The following COL25A1 variants were observed in gnomAD, a reference collection of about 807,000 sequenced individuals.
COL25A1 encodes the protein collagen type XXV alpha 1 chain, also known as collagen alpha-1(XXV) chain.
A neutral mutation model predicts 128.4 loss-of-function variants in COL25A1; 103 were observed. The observed-to-expected ratio is 0.80, with a 90% CI of 0.68 to 0.94. The LOEUF (loss-of-function observed/expected upper bound fraction) is 0.94, where lower values mean the gene tolerates loss of function less well. COL25A1 is among the 40% of genes least tolerant of loss of function. COL25A1 has a pLI of 0.00. For synonymous variants in COL25A1, 279 were observed against 277.2 expected (o/e 1.01, Z -0.06); for missense variants, 745 against 840.0 (o/e 0.89, Z 1.40).
intron 8 of COL25A1, among the ~76,000 whole-genome samples, chr4:108,947,119 G>A (rs1314903529): frequency 2.6e-5 from 4 of 152,122 alleles, no homozygotes; most frequent in Admixed American, 6.5e-5. Flanking sequence ...GGACAGCCAA[G>A]GGACAGCAGT....
chr4:109,179,906 C>T (rs1306785740), intron 3 of COL25A1, among the ~76,000 whole-genome samples: 1 of 152,044 alleles, frequency 6.6e-6, no homozygotes, highest in Non-Finnish European at 1.5e-5. Flanking sequence ...GTAAAATCAG[C>T]CTATTATGAA....
At chr4:109,301,065 G>C (rs7700022) in intron 2 of COL25A1, among the ~76,000 whole-genome samples, 83,572 of 151,926 alleles carry the variant, frequency 0.55, 25,606 homozygotes, top group African/African-American at 0.84. Flanking sequence ...ATAGGCTCCC[G>C]GCTAGGGTAA....
intron 3 of COL25A1, among the ~76,000 whole-genome samples, chr4:109,245,321 AT>A (rs1472416945): frequency 1.3e-5 from 2 of 152,172 alleles, no homozygotes; most frequent in Non-Finnish European, 2.9e-5. Flanking sequence ...TGGGACTGGT[AT>A]ACAGGAGGTA....
intron 3 of COL25A1, among the ~76,000 whole-genome samples, chr4:109,189,313 C>A (rs1775389744): frequency 6.6e-6 from 1 of 151,740 alleles, no homozygotes; most frequent in Admixed American, 6.6e-5. Flanking sequence ...TTTGGGAGCC[C>A]AAGACAGGTT....
chr4:108,990,570 T>C (rs1041978839), intron 6 of COL25A1, among the ~76,000 whole-genome samples: 1 of 152,090 alleles, frequency 6.6e-6, no homozygotes, highest in African/African-American at 2.4e-5. Context: ...AAAATCTATC[T>C]ACTTTGAGGT....
At chr4:108,974,778 G>A (rs1317477088) in intron 6 of COL25A1, among the ~76,000 whole-genome samples, 1 of 152,112 alleles carries the variant, frequency 6.6e-6, no homozygotes, top group East Asian at 1.9e-4. Flanking sequence ...CATGTCATAA[G>A]TACATAATAT....
At chr4:108,840,268 G>C (rs1309333755) in intron 31 of COL25A1, among the ~76,000 whole-genome samples, 1 of 144,478 alleles carries the variant, frequency 6.9e-6, no homozygotes. Context: ...AAAAATCCAT[G>C]AGTAGGAAGC....
intron 3 of COL25A1, among the ~76,000 whole-genome samples, chr4:109,054,931 G>A (rs534173745): frequency 5.9e-5 from 9 of 152,292 alleles, no homozygotes; most frequent in Non-Finnish European, 1.3e-4. Flanking sequence ...TGGCTCTTGG[G>A]AGGGAGGAAC....
chr4:109,209,593 T>A (rs1560871320), intron 3 of COL25A1, among the ~76,000 whole-genome samples: 1 of 152,224 alleles, frequency 6.6e-6, no homozygotes, highest in Non-Finnish European at 1.5e-5. Context: ...GTAACAACAT[T>A]AATAAATTTC....
intron 3 of COL25A1, among the ~76,000 whole-genome samples, chr4:109,290,173 T>C (rs1304315742): frequency 1.3e-5 from 2 of 152,098 alleles, no homozygotes; most frequent in Non-Finnish European, 2.9e-5. Flanking sequence ...CTGACTCTAA[T>C]GTGTCATGAA....
chr4:108,917,473 C>T, intron 13 of COL25A1, among the ~76,000 whole-genome samples: 1 of 152,134 alleles, frequency 6.6e-6, no homozygotes, highest in Non-Finnish European at 1.5e-5. Flanking sequence ...GCTTTGTCAG[C>T]TGCCACAGTG....
At chr4:109,250,305 G>C (rs190926085) in intron 3 of COL25A1, among the ~76,000 whole-genome samples, 1 of 150,236 alleles carries the variant, frequency 6.7e-6, no homozygotes, top group South Asian at 2.1e-4. Flanking sequence ...AATATCTGGG[G>C]GGGGAGGTAA....
intron 3 of COL25A1, among the ~76,000 whole-genome samples, chr4:109,220,747 T>G (rs548105269): frequency 6.6e-6 from 1 of 152,148 alleles, no homozygotes; most frequent in Non-Finnish European, 1.5e-5. Flanking sequence ...TCAAATTCCT[T>G]TAGAGCACAT....
chr4:109,129,963 G>A (rs1029729152), intron 3 of COL25A1, among the ~76,000 whole-genome samples: 2 of 149,176 alleles, frequency 1.3e-5, no homozygotes, highest in Non-Finnish European at 3.0e-5. Context: ...TGACTAACCT[G>A]CACAATGTGC....
intron 3 of COL25A1, among the ~76,000 whole-genome samples, chr4:109,276,387 G>T (rs929785138): frequency 6.0e-5 from 9 of 149,890 alleles, no homozygotes; most frequent in Non-Finnish European, 1.3e-4. Flanking sequence ...ACTCCAGCCT[G>T]GGAGACAGAG....
chr4:108,956,836 T>C (rs1750128574), intron 8 of COL25A1, among the ~76,000 whole-genome samples: 1 of 152,226 alleles, frequency 6.6e-6, no homozygotes, highest in Admixed American at 6.5e-5. Context: ...AGAAATGTAA[T>C]GTTTGTTGGA....
At chr4:109,036,923 G>T (rs1700751096) in intron 5 of COL25A1, among the ~76,000 whole-genome samples, 1 of 152,162 alleles carries the variant, frequency 6.6e-6, no homozygotes, top group South Asian at 2.1e-4. Context: ...AGTTGAAGTT[G>T]TTCCCCAAAC....
At chr4:109,272,730 T>C (rs946193188) in intron 3 of COL25A1, among the ~76,000 whole-genome samples, 1 of 152,148 alleles carries the variant, frequency 6.6e-6, no homozygotes, top group Non-Finnish European at 1.5e-5. Context: ...CTTCCAACCA[T>C]GCTTGGAAGA....
chr4:109,264,431 C>A (rs968629838), intron 3 of COL25A1, among the ~76,000 whole-genome samples: 1 of 152,122 alleles, frequency 6.6e-6, no homozygotes, highest in Non-Finnish European at 1.5e-5. Context: ...GTAGCTGTTA[C>A]CATCAGGCAA....
Sources: allele counts gnomAD v4.1 joint callset (sites outside exome capture counted in the v4.1 genomes callset), GRCh38; gene constraint gnomAD v4.1.1; transcripts MANE v1.5; gene names NCBI Gene and HGNC (gene_info 2026-07-23, HGNC 2026-07-21).